MCUB: variants seen among roughly 807,000 people sequenced by gnomAD.
MCUB encodes calcium uniporter regulatory subunit MCUb, mitochondrial.
Under a neutral mutation model 41.4 loss-of-function variants are expected in MCUB, and 46 were observed. That is an observed-to-expected ratio of 1.11 (90% CI 0.88 to 1.42). The LOEUF (loss-of-function observed/expected upper bound fraction) is 1.42. Ranked by LOEUF, MCUB falls within the 40% of genes most tolerant of loss-of-function variation. The probability of loss-of-function intolerance (pLI) is 0.00; values close to 1 mark genes in which losing one functional copy is unlikely to be tolerated. For synonymous variants in MCUB, 148 were observed against 148.2 expected, an observed-to-expected ratio of 1.00 and a Z score of 0.01; for missense variants, 403 against 404.9, an observed-to-expected ratio of 1.00 and a Z score of 0.04.
In MCUB at chr4:109,677,185, G is replaced by T. The variant is rs140146998; in HGVS notation, c.452-5397G>T. ...CTACCCTGTTGGGTTTTGGACTTAC[G>T]TGGGACCAGTTACCTCTTTTTTCCT... On this transcript the variant is annotated intron_variant, in intron 4 of 7. Coordinates refer to ENST00000394650, the MANE Select transcript of MCUB (RefSeq NM_017918.5). Among the ~76,000 whole-genome samples, 774 of 152,338 alleles carry T rather than the reference G, an allele frequency of 5.1e-3. 3 individuals carry two copies. Among genetic ancestry groups the T allele is most frequent in the African/African-American group, 0.018 (734 of 41,568 alleles).
intron 1 of MCUB, among the ~76,000 whole-genome samples, chr4:109,650,815 G>A (rs1306698507): frequency 6.6e-6 from 1 of 152,098 alleles, no homozygotes; most frequent in Non-Finnish European, 1.5e-5. Context: ...CTCCACTCTG[G>A]ATCAGTACAA....
At chr4:109,595,016 A>G (rs1396678162) in intron 1 of MCUB, among the ~76,000 whole-genome samples, 3 of 151,754 alleles carry the variant, frequency 2.0e-5, no homozygotes, top group Admixed American at 6.6e-5. Context: ...TTCATTTCTG[A>G]CACCATTTAT....
chr4:109,678,398 G>GAT, intron 4 of MCUB, among the ~76,000 whole-genome samples: 1 of 150,384 alleles, frequency 6.6e-6, no homozygotes, highest in Middle Eastern at 3.5e-3. Context: ...CTTCCCACAC[G>GAT]GGGCGGCCAG....
At chr4:109,588,197 T>G (rs2126128053) in intron 1 of MCUB, among the ~76,000 whole-genome samples, 1 of 152,366 alleles carries the variant, frequency 6.6e-6, no homozygotes, top group African/African-American at 2.4e-5. Context: ...GTGGCTGAAC[T>G]GACAAGAATA....
At chr4:109,633,803 G>A (rs984791006) in intron 1 of MCUB, among the ~76,000 whole-genome samples, 2 of 152,022 alleles carry the variant, frequency 1.3e-5, no homozygotes, top group African/African-American at 2.4e-5. Context: ...CTTTGAGACC[G>A]TGCTTGACAA....
chr4:109,678,918 C>CTGTAATCTTAGCACTTT (rs1729648275), intron 4 of MCUB, among the ~76,000 whole-genome samples: 1 of 142,792 alleles, frequency 7.0e-6, no homozygotes, highest in African/African-American at 2.7e-5. Context: ...CGGGCAGAGG[C>CTGTAATCTTAGCACTTT]GCTCCTCACA....
At chr4:109,613,000 C>T (rs186837106) in intron 1 of MCUB, among the ~76,000 whole-genome samples, 2 of 151,816 alleles carry the variant, frequency 1.3e-5, no homozygotes, top group South Asian at 2.1e-4. Flanking sequence ...CAGCTACTCG[C>T]GAGGCTGAAG....
intron 1 of MCUB, among the ~76,000 whole-genome samples, chr4:109,637,736 T>G (rs560637150): frequency 6.6e-6 from 1 of 152,088 alleles, no homozygotes; most frequent in Non-Finnish European, 1.5e-5. Flanking sequence ...ACAGTGTACT[T>G]TGGGGACTCG....
rs1561252660 is a variant in MCUB at position 109,682,677 on chromosome 4, AAG to A, written c.554_555del (p.Glu185AlafsTer8). On this transcript the variant is annotated frameshift_variant, in exon 5 of 8. Transcript: ENST00000394650. LOFTEE classifies it high-confidence loss of function. ...TILHLEESQK[K>X]REHHLLEKID... ...CTTGCATTTAGAAGAGTCTCAGAAA[AAG>A]AGAGAGCACCATTTACTGGAGAAAA... 1.9e-6 allele frequency: 3 copies of A among 1,613,746 alleles called. No homozygotes were observed. The highest frequency in any genetic ancestry group is 1.7e-5 in the Admixed American group (1 of 60,020).
At chr4:109,568,506 G>A (rs75279789) in intron 1 of MCUB, among the ~76,000 whole-genome samples, 5,857 of 151,998 alleles carry the variant, frequency 0.039, 128 homozygotes, top group East Asian at 0.052. Flanking sequence ...TTCCCCAGGC[G>A]GTAGTGCCTC....
intron 1 of MCUB, among the ~76,000 whole-genome samples, chr4:109,602,120 C>T (rs1311947819): frequency 2.0e-5 from 3 of 151,742 alleles, no homozygotes; most frequent in Non-Finnish European, 2.9e-5. Context: ...GTTATTAATC[C>T]CTTGTCAGAT....
chr4:109,609,065 A>ATC (rs58016825), intron 1 of MCUB, among the ~76,000 whole-genome samples: 6 of 150,950 alleles, frequency 4.0e-5, no homozygotes, highest in East Asian at 2.0e-4. Context: ...GACAAATGGG[A>ATC]TCTCTCTCTC....
At chr4:109,595,220 G>C (rs1343843675) in intron 1 of MCUB, among the ~76,000 whole-genome samples, 1 of 152,160 alleles carries the variant, frequency 6.6e-6, no homozygotes, top group African/African-American at 2.4e-5. Flanking sequence ...CTGTAGGCAT[G>C]GAACAGGGAG....
intron 1 of MCUB, among the ~76,000 whole-genome samples, chr4:109,637,928 A>T (rs1300316777): frequency 6.6e-6 from 1 of 152,238 alleles, no homozygotes; most frequent in Non-Finnish European, 1.5e-5. Context: ...AAATGTTTAA[A>T]ATGACTGTAT....
At chr4:109,623,046 T>C (rs1226181884) in intron 1 of MCUB, among the ~76,000 whole-genome samples, 1 of 152,188 alleles carries the variant, frequency 6.6e-6, no homozygotes, top group East Asian at 1.9e-4. Flanking sequence ...AGGCAATTAC[T>C]CTTGAGATGA....
chr4:109,673,814 G>A (rs866570049), intron 4 of MCUB: 21 of 702,128 alleles, frequency 3.0e-5, no homozygotes, highest in Middle Eastern at 4.1e-4. Flanking sequence ...AGGTTTTTTC[G>A]CTCTAGGGAG....
chr4:109,638,508 G>A (rs1463670932), intron 1 of MCUB, among the ~76,000 whole-genome samples: 1 of 152,008 alleles, frequency 6.6e-6, no homozygotes, highest in African/African-American at 2.4e-5. Context: ...TGCTGCTAGA[G>A]GTAGAGGGTG....
intron 1 of MCUB, among the ~76,000 whole-genome samples, chr4:109,570,667 A>G (rs558049498): frequency 3.9e-5 from 6 of 152,368 alleles, no homozygotes; most frequent in Middle Eastern, 3.4e-3. Context: ...TGTAGACTCA[A>G]TATCAAGATT....
rs894638725 is a variant in MCUB at position 109,593,761 on chromosome 4, G to A, written c.99+33325G>A. ...GTCATAAAAGCAAGCTAATTATGTCGCATTAGAAGTTTCAGCTATTTTGAT... is the reference window on the plus strand; with the variant it reads ...GTCATAAAAGCAAGCTAATTATGTCACATTAGAAGTTTCAGCTATTTTGAT... On this transcript the variant is annotated intron_variant, in intron 1 of 7. Transcript: ENST00000394650. 4.6e-5 allele frequency among the ~76,000 whole-genome samples: 7 copies of A among 152,140 alleles called. No homozygotes were observed. The East Asian group carries it at 5.8e-4, about 13-fold the overall frequency.
Sources: allele counts gnomAD v4.1 joint callset (sites outside exome capture counted in the v4.1 genomes callset), GRCh38; gene constraint gnomAD v4.1.1; transcripts MANE v1.5; gene names NCBI Gene and HGNC (gene_info 2026-07-23, HGNC 2026-07-21).